Variants in CNTRL observed in about 807,000 individuals in gnomAD.
CNTRL encodes the protein centriolin, also known as 110 kDa centrosomal protein.
Under a neutral mutation model 303.7 loss-of-function variants are expected in CNTRL, and 233 were observed. That is an observed-to-expected ratio of 0.77 (90% CI 0.69 to 0.86). The LOEUF (loss-of-function observed/expected upper bound fraction) is 0.86. Among genes scored for constraint, CNTRL ranks in the 40% least tolerant of loss-of-function variants. CNTRL has a pLI of 0.00. For synonymous variants in CNTRL, 900 were observed against 922.2 expected, an observed-to-expected ratio of 0.98 and a Z score of 0.44; for missense variants, 2,524 against 2,650.6, an observed-to-expected ratio of 0.95 and a Z score of 1.05.
chr9:121,099,571 A>C (rs748064339), intron 7 of CNTRL, among the ~76,000 whole-genome samples: 6 of 152,234 alleles, frequency 3.9e-5, no homozygotes, highest in Non-Finnish European at 8.8e-5. Context: ...ACGAGTTGAA[A>C]GAAGAAGGCT....
At chr9:121,112,689 T>C in intron 9 of CNTRL, 111 bp downstream of exon 9, 1 of 1,128,044 alleles carries the variant, frequency 8.9e-7, no homozygotes, top group East Asian at 2.4e-5. Flanking sequence ...TCACTCCACT[T>C]TCTTGTTATG....
intron 17 of CNTRL, among the ~76,000 whole-genome samples, 191 bp from the exon 18 acceptor site, chr9:121,141,190 T>C (rs2051488380): frequency 6.6e-6 from 1 of 152,224 alleles, no homozygotes; most frequent in African/African-American, 2.4e-5. Context: ...TATGAGCCTA[T>C]GTTTTCAGAG....
intron 35 of CNTRL, among the ~76,000 whole-genome samples, chr9:121,165,367 CA>C (rs1174038767): frequency 6.6e-6 from 1 of 151,672 alleles, no homozygotes. Flanking sequence ...TTTAAAACAG[CA>C]AAAAGAAATA....
rs1216858128 is a variant in CNTRL at position 121,175,023 on chromosome 9, A to G, written c.6753A>G (p.Gln2251=). Residue 2251 remains glutamine, a synonymous_variant, in exon 43 of 44, where the codon CAA becomes CAG. Coordinates refer to ENST00000373855, the MANE Select transcript of CNTRL (RefSeq NM_007018.6). ...AGTCTTATCACACTTTTCAGGCCCA[A>G]CTCCGACACTGTATGTCCAAGCAAG... ...LRHREDRLKA[Q]LRHCMSKQAE... 4.3e-6 allele frequency: 7 copies of G among 1,613,674 alleles called. No individual in the cohort carries two copies. The highest frequency in any genetic ancestry group is 1.6e-4 in the Middle Eastern group (1 of 6,062).
chr9:121,125,686 A>G (rs376621587), intron 13 of CNTRL, 30 bp from the exon 14 acceptor site: 16 of 1,576,148 alleles, frequency 1.0e-5, no homozygotes, highest in African/African-American at 2.7e-5. Flanking sequence ...TTAAAAAGAT[A>G]TATTATTACC....
intron 20 of CNTRL, 55 bp from the exon 21 acceptor site, chr9:121,144,788 G>A: frequency 1.5e-6 from 2 of 1,339,320 alleles, no homozygotes; most frequent in South Asian, 2.4e-5. Flanking sequence ...AGGAAGAAAT[G>A]AAGAAGACAA....
intron 6 of CNTRL, among the ~76,000 whole-genome samples, 161 bp downstream of exon 6, chr9:121,096,724 T>C (rs1188115470): frequency 6.6e-6 from 1 of 152,188 alleles, no homozygotes; most frequent in South Asian, 2.1e-4. Context: ...ATTAATTAAA[T>C]ACAAGCAGTC....
In CNTRL at chr9:121,090,357, A is replaced by G. The variant is rs779613516; in HGVS notation, c.300A>G (p.Ile100Met). 2.7e-5 allele frequency: 44 copies of G among 1,612,974 alleles called. 1 individual carries two copies. The Admixed American group carries it at 7.3e-4, about 27-fold the overall frequency. Reference protein sequence around the residue: ...KLTKQDNLALIKSLNLSLSKD... With the variant: ...KLTKQDNLALMKSLNLSLSKD... ...CTAAACAGGATAATTTGGCTTTGAT[A>G]AAATCTCTGAACCTTTCACTTTCTA... The change falls in exon 4 of 44, where the codon ATA becomes ATG. Residue 100 changes from isoleucine (I) to methionine (M), a missense_variant. Ile to Met is a conservative substitution (Grantham distance 10). Coordinates refer to ENST00000373855, the MANE Select transcript of CNTRL (RefSeq NM_007018.6).
chr9:121,149,884 T>TA (rs1271858322), intron 24 of CNTRL, among the ~76,000 whole-genome samples: 3 of 152,192 alleles, frequency 2.0e-5, no homozygotes, highest in African/African-American at 7.2e-5. Context: ...ATGAATTAGA[T>TA]ACCCAGATGG....
rs557556919 is a variant in CNTRL at position 121,177,145 on chromosome 9, CCTTTT to C, written c.6955-17_6955-13del. 3.1e-6 allele frequency: 5 copies of C among 1,605,250 alleles called. No homozygotes were observed. The highest frequency in any genetic ancestry group is 4.3e-6 in the Non-Finnish European group (5 of 1,172,798). ...TGTTTCAAGAATTTGATTTATCCTT[CCTTTT>C]GTCTTACTGTAGGAAAAGAATGCCT... On this transcript the variant is annotated splice_polypyrimidine_tract_variant and intron_variant, in intron 43 of 43. Transcript: ENST00000373855.
rs1278730288 is a variant in CNTRL at position 121,112,459 on chromosome 9, C to G, written c.1003C>G (p.Leu335Val). The G allele has an allele frequency of 6.2e-7, 1 of 1,612,200 alleles. No individual in the cohort carries two copies. The highest frequency in any genetic ancestry group is 8.5e-7 in the Non-Finnish European group (1 of 1,178,926). ...GTCTCATATCAAATTGGGCCAATAG[C>G]TAAAACAGAAGACCATAGAATTAAC... Reference protein sequence around the residue: ...KSDLNTKNELLKQKTIELTRA... With the variant: ...KSDLNTKNELVKQKTIELTRA... The change falls in exon 9 of 44, where the codon CTA becomes GTA. Residue 335 changes from leucine (L) to valine (V), a missense_variant and splice_region_variant. Leu to Val is a conservative substitution (Grantham distance 32, BLOSUM62 1). Coordinates refer to ENST00000373855, the MANE Select transcript of CNTRL (RefSeq NM_007018.6).
In CNTRL at chr9:121,150,626, CATTCTCTTATTAAA is replaced by C. The variant is rs1357270191; in HGVS notation, c.3963+154_3963+167del. 6.7e-6 allele frequency: 5 copies of C among 746,012 alleles called. No homozygotes were observed. The East Asian group carries it at 8.3e-5, about 12-fold the overall frequency. 46.2% of individuals were successfully genotyped at this position (746,012 alleles called of 1,614,324 possible). ...AGGCTGATGTTTAGAACTGTGCAAG[CATTCTCTTATTAAA>C]ATTCTCTTATAAAAGCAGTGGCATG... On this transcript the variant is annotated intron_variant, in intron 25 of 43. Transcript: ENST00000373855.
intron 40 of CNTRL, among the ~76,000 whole-genome samples, chr9:121,172,047 C>T (rs991082197): frequency 9.2e-5 from 14 of 152,124 alleles, no homozygotes; most frequent in African/African-American, 3.4e-4. Context: ...GAACTCTAGT[C>T]GGGCTGCTGT....
At chr9:121,078,930 C>T (rs927609447) in intron 1 of CNTRL, among the ~76,000 whole-genome samples, 1 of 152,194 alleles carries the variant, frequency 6.6e-6, no homozygotes, top group Admixed American at 6.5e-5. Flanking sequence ...GGAGGCTCCC[C>T]AAACCCAGTC....
intron 20 of CNTRL, 48 bp from the exon 21 acceptor site, chr9:121,144,795 A>G: frequency 2.9e-6 from 4 of 1,371,342 alleles, no homozygotes; most frequent in South Asian, 1.2e-5. Flanking sequence ...AATGAAGAAG[A>G]CAACCTGTGA....
At chr9:121,102,648 C>T (rs1444078738) in intron 7 of CNTRL, among the ~76,000 whole-genome samples, 1 of 152,140 alleles carries the variant, frequency 6.6e-6, no homozygotes, top group Admixed American at 6.5e-5. Flanking sequence ...TTTAGAAAAC[C>T]CCATTGTCTC....
In CNTRL at chr9:121,168,214, A is replaced by G. The variant is rs1564302132; in HGVS notation, c.5963A>G (p.Lys1988Arg). 6.2e-7 allele frequency: 1 copy of G among 1,614,196 alleles called. No homozygotes were observed. Among genetic ancestry groups the G allele is most frequent in the African/African-American group, 1.3e-5 (1 of 75,054 alleles). ...AAGGAATTAACAGACCAGAAAAGCA[A>G]ACTGGACCAAGTGCTCTCAAAGGTG... ...LEKELTDQKS[K>R]LDQVLSKVLA... is the part of the protein sequence containing the mutation. The change falls in exon 38 of 44, where the codon AAA becomes AGA. Residue 1988 changes from lysine to arginine, a missense_variant. Physicochemically the swap from Lys to Arg is conservative, Grantham distance 26. Coordinates refer to ENST00000373855, the MANE Select transcript of CNTRL (RefSeq NM_007018.6).
rs748107366 is a variant in CNTRL at position 121,162,336 on chromosome 9, A to G, written c.5423+65A>G. ...CAGGCCAAAGCATTATAAACACACT[A>G]TAAAAAATTTGGAAAATAGAGAAAA... On this transcript the variant is annotated intron_variant, in intron 34 of 43. Transcript: ENST00000373855. 4 of 1,418,786 alleles carry G rather than the reference A, an allele frequency of 2.8e-6. No homozygotes were observed. In the South Asian group the frequency reaches 4.7e-5, roughly 17 times the overall value. The allele number at this position is 1,418,786 out of a possible 1,614,324, so 87.9% of individuals were successfully genotyped here.
At chr9:121,155,387 C>CT (rs1037441988) in intron 27 of CNTRL, among the ~76,000 whole-genome samples, 1 of 151,862 alleles carries the variant, frequency 6.6e-6, no homozygotes, top group Non-Finnish European at 1.5e-5. Context: ...AGATAATTTT[C>CT]TTTTTTTTGT....
Sources: gnomAD v4.1 joint callset for allele counts (sites outside exome capture counted in the v4.1 genomes callset) on GRCh38, gnomAD v4.1.1 for gene constraint, MANE v1.5 for transcripts, NCBI Gene and HGNC (gene_info 2026-07-23, HGNC 2026-07-21) for gene names.